PIGK: variants seen among roughly 807,000 people sequenced by gnomAD.
The protein encoded by PIGK is phosphatidylinositol glycan anchor biosynthesis class K.
Under a neutral mutation model 50.6 loss-of-function variants are expected in PIGK, and 42 were observed. The ratio of observed to expected loss-of-function variants is 0.83; its 90% CI spans 0.65 to 1.07. The LOEUF (loss-of-function observed/expected upper bound fraction) is 1.07. Ranked by LOEUF, PIGK falls within the 50% of genes least tolerant of loss-of-function variation. The pLI, the probability that PIGK is intolerant of heterozygous loss-of-function variation, is 0.00. For synonymous variants in PIGK, 151 were observed against 156.0 expected, an observed-to-expected ratio of 0.97 and a Z score of 0.24; for missense variants, 448 against 488.7, an observed-to-expected ratio of 0.92 and a Z score of 0.78.
At chr1:77,157,350 G>T (rs1341068994) in intron 8 of PIGK, among the ~76,000 whole-genome samples, 4 of 152,120 alleles carry the variant, frequency 2.6e-5, no homozygotes, top group African/African-American at 9.7e-5. Context: ...GTAAGATGAG[G>T]TATTAGTGAG....
intron 10 of PIGK, among the ~76,000 whole-genome samples, chr1:77,108,277 C>A (rs1350813242): frequency 2.6e-5 from 4 of 152,320 alleles, no homozygotes; most frequent in Admixed American, 6.5e-5. Flanking sequence ...TCTTGAAAGG[C>A]AGGCCTGGTG....
At chr1:77,167,177 T>G (rs1252236118) in intron 4 of PIGK, among the ~76,000 whole-genome samples, 1 of 151,966 alleles carries the variant, frequency 6.6e-6, no homozygotes, top group Non-Finnish European at 1.5e-5. Context: ...CCCATTTCTA[T>G]GCACACACAC....
chr1:77,171,158 C>T (rs774368724), intron 3 of PIGK, among the ~76,000 whole-genome samples: 7 of 151,910 alleles, frequency 4.6e-5, no homozygotes, highest in Admixed American at 6.6e-5. Flanking sequence ...TATTTCTGGC[C>T]AGGCACAGTG....
intron 3 of PIGK, among the ~76,000 whole-genome samples, chr1:77,184,256 T>C (rs1655689960): frequency 6.6e-6 from 1 of 152,200 alleles, no homozygotes; most frequent in South Asian, 2.1e-4. Context: ...CATTCCTACT[T>C]AATTTAACAA....
chr1:77,168,363 G>C (rs1439784770), intron 4 of PIGK, among the ~76,000 whole-genome samples: 8 of 152,088 alleles, frequency 5.3e-5, no homozygotes, highest in Admixed American at 2.6e-4. Context: ...TGTGTAAACT[G>C]TTTGATTTAC....
In PIGK at chr1:77,104,674, G is replaced by A. The variant is rs192422401; in HGVS notation, c.1072-12184C>T. 1.3e-3 allele frequency among the ~76,000 whole-genome samples: 205 copies of A among 152,234 alleles called. 1 individual carries two copies. Among genetic ancestry groups the A allele is most frequent in the African/African-American group, 4.3e-3 (178 of 41,550 alleles). On this transcript the variant is annotated intron_variant, in intron 10 of 10. Transcript: ENST00000370812. ...ACCAATAATGACACAGGATTTTCTC[G>A]CGCCTTCAACAAACTCGCAACACAG...
At position 77,104,493 on chromosome 1, in the gene PIGK, C is replaced by A. The variant is rs548713577; in HGVS notation, c.1072-12003G>T. On this transcript the variant is annotated intron_variant, in intron 10 of 10. Transcript: ENST00000370812. ...ACACTGGAAAAGAAACATCAGAGAACAAATAAAATAGCAATAGAAATTATT... is the reference window on the plus strand; with the variant it reads ...ACACTGGAAAAGAAACATCAGAGAAAAAATAAAATAGCAATAGAAATTATT... Among the ~76,000 whole-genome samples, 29 of 151,574 alleles carry A rather than the reference C, an allele frequency of 1.9e-4. No homozygotes were observed. In the South Asian group the frequency reaches 3.3e-3, roughly 17 times the overall value.
At chr1:77,184,706 C>T (rs138309737) in intron 3 of PIGK, among the ~76,000 whole-genome samples, 338 of 152,296 alleles carry the variant, frequency 2.2e-3, no homozygotes, top group Non-Finnish European at 3.8e-3. Context: ...ATCTTGTGGT[C>T]ATTTCCCCAG....
intron 3 of PIGK, among the ~76,000 whole-genome samples, chr1:77,185,194 G>A (rs545598625): frequency 6.6e-6 from 1 of 152,266 alleles, no homozygotes; most frequent in South Asian, 2.1e-4. Context: ...CCTTCAGCTG[G>A]CAAGGCCAGC....
rs1219925023 is a variant in PIGK at position 77,090,749 on chromosome 1, T to C, written c.*1625A>G. The C allele has an allele frequency of 6.6e-6, 1 of 152,216 alleles. No homozygotes were observed. The highest frequency in any genetic ancestry group is 1.5e-5 in the Non-Finnish European group (1 of 68,032). 9.4% of individuals were successfully genotyped at this position (152,216 alleles called of 1,614,324 possible). On this transcript the variant is annotated 3_prime_UTR_variant, in exon 11 of 11. Coordinates refer to ENST00000370812, the MANE Select transcript of PIGK (RefSeq NM_005482.3). ...GTGCTACTATAATCAGTCTATTCAA[T>C]TGCAAGTTTATTTTCCCTTCTTTTC...
intron 5 of PIGK, 50 bp from the exon 6 acceptor site, chr1:77,163,992 T>C (rs1330513762): frequency 1.1e-6 from 1 of 898,620 alleles, no homozygotes; most frequent in African/African-American, 1.7e-5. Flanking sequence ...GCAAACTGCA[T>C]ATATCTAGAT....
Position 77,092,454 on chromosome 1 carries a change from A to T in PIGK, c.1108T>A (p.Phe370Ile), listed in dbSNP as rs776670177. The T allele has an allele frequency of 6.2e-7, 1 of 1,603,746 alleles. No individual in the cohort carries two copies. Among genetic ancestry groups the T allele is most frequent in the South Asian group, 1.1e-5 (1 of 88,958 alleles). The change falls in exon 11 of 11, where the codon TTT (phenylalanine) becomes ATT (isoleucine). Residue 370 changes from phenylalanine (F) to isoleucine (I), a missense_variant. Transcript: ENST00000370812. ...ATAAGTGCCCATAATCCCAGAATAA[A>T]GCCCCCAGGAGGATGCCAGTCTTTC... ...KLKDWHPPGGFILGLWALIIM... is the reference protein window; with the variant it reads ...KLKDWHPPGGIILGLWALIIM...
chr1:77,129,356 T>A, intron 9 of PIGK: 1 of 1,578,388 alleles, frequency 6.3e-7, no homozygotes, highest in Non-Finnish European at 8.7e-7. Context: ...GGACACAAGG[T>A]CGGTGGCCCA....
At chr1:77,212,611 A>G (rs1656445816) in intron 1 of PIGK, among the ~76,000 whole-genome samples, 1 of 152,208 alleles carries the variant, frequency 6.6e-6, no homozygotes, top group South Asian at 2.1e-4. Context: ...TGAATGAATG[A>G]AAAAGGACAT....
chr1:77,177,110 T>C (rs1237469041), intron 3 of PIGK, among the ~76,000 whole-genome samples: 2 of 152,212 alleles, frequency 1.3e-5, no homozygotes. Flanking sequence ...TTTCTGGTTG[T>C]ATAAAAGCTC....
rs753716594 is a variant in PIGK at position 77,219,396 on chromosome 1, C to G, written c.7G>C (p.Val3Leu). The G allele has an allele frequency of 6.2e-7, 1 of 1,613,162 alleles. No individual in the cohort carries two copies. The highest frequency in any genetic ancestry group is 8.5e-7 in the Non-Finnish European group (1 of 1,179,498). The change falls in exon 1 of 11, where the codon GTC becomes CTC. Residue 3 changes from valine to leucine, a missense_variant. Physicochemically the swap from Val to Leu is conservative, Grantham distance 32. Coordinates refer to ENST00000370812, the MANE Select transcript of PIGK (RefSeq NM_005482.3). ...GCAGCCCGGCTGAGGCTGTCGGTGA[C>G]GGCCATGTTTACCGGCTTCAGACTT... MA[V>L]TDSLSRAATV...
At chr1:77,127,594 A>C (rs1015712054) in intron 9 of PIGK, among the ~76,000 whole-genome samples, 1 of 152,206 alleles carries the variant, frequency 6.6e-6, no homozygotes, top group Non-Finnish European at 1.5e-5. Context: ...ATCTTTCCAA[A>C]CACTGGAAAT....
intron 9 of PIGK, among the ~76,000 whole-genome samples, chr1:77,126,488 A>G (rs1005660394): frequency 6.6e-6 from 1 of 151,872 alleles, no homozygotes; most frequent in African/African-American, 2.4e-5. Context: ...GGTGGGAGGG[A>G]CAAGATTTGT....
chr1:77,124,630 A>ACAC (rs75600405), intron 9 of PIGK, among the ~76,000 whole-genome samples: 1 of 151,608 alleles, frequency 6.6e-6, no homozygotes, highest in African/African-American at 2.4e-5. Context: ...CAAAAAAAAA[A>ACAC]ACACACACAC....
Sources: gnomAD v4.1 joint callset for allele counts (sites outside exome capture counted in the v4.1 genomes callset) on GRCh38, gnomAD v4.1.1 for gene constraint, MANE v1.5 for transcripts, NCBI Gene and HGNC (gene_info 2026-07-23, HGNC 2026-07-21) for gene names.